UHRF2: variants seen among roughly 807,000 people sequenced by gnomAD.
The protein encoded by UHRF2 is ubiquitin like with PHD and ring finger domains 2.
UHRF2 carries 23 observed loss-of-function variants against 96.8 expected under a neutral mutation model. That is an observed-to-expected ratio of 0.24 (90% CI 0.17 to 0.34). The LOEUF (loss-of-function observed/expected upper bound fraction) is 0.34, where lower values mean the gene tolerates loss of function less well. Among genes scored for constraint, UHRF2 ranks in the 10% least tolerant of loss-of-function variants. The pLI, the probability that UHRF2 is intolerant of heterozygous loss-of-function variation, is 1.00. For synonymous variants in UHRF2, 385 were observed against 332.6 expected (o/e 1.16, Z -1.72); for missense variants, 685 against 981.5 (o/e 0.70, Z 4.04).
At chr9:6,463,930 C>G (rs1340142041) in intron 4 of UHRF2, among the ~76,000 whole-genome samples, 1 of 152,126 alleles carries the variant, frequency 6.6e-6, no homozygotes. Flanking sequence ...ATACCTGTAT[C>G]CTGGCACTTG....
At chr9:6,457,988 C>T (rs139912167) in intron 3 of UHRF2, among the ~76,000 whole-genome samples, 73 of 152,152 alleles carry the variant, frequency 4.8e-4, no homozygotes, top group African/African-American at 1.7e-3. Context: ...TGTGTCTCTG[C>T]CAGGTTTTGG....
At chr9:6,439,775 A>C (rs1821055537) in intron 3 of UHRF2, among the ~76,000 whole-genome samples, 1 of 152,134 alleles carries the variant, frequency 6.6e-6, no homozygotes, top group African/African-American at 2.4e-5. Flanking sequence ...GGGCACATAC[A>C]ACTTGGCTGT....
chr9:6,454,651 A>G (rs766351225), intron 3 of UHRF2, among the ~76,000 whole-genome samples: 1 of 152,162 alleles, frequency 6.6e-6, no homozygotes, highest in Non-Finnish European at 1.5e-5. Context: ...CTGAGCTTAC[A>G]TAGTCCTTGT....
chr9:6,433,304 G>A (rs1903419), intron 2 of UHRF2, among the ~76,000 whole-genome samples: 106,167 of 152,054 alleles, frequency 0.7, 39,616 homozygotes, highest in Non-Finnish European at 0.82. Context: ...TGTGTCTTAC[G>A]CCCTGTTCAT....
intron 1 of UHRF2, among the ~76,000 whole-genome samples, chr9:6,419,191 T>G (rs781335992): frequency 3.3e-5 from 5 of 152,192 alleles, no homozygotes; most frequent in Non-Finnish European, 7.3e-5. Flanking sequence ...GCAACTTAGC[T>G]CGTAACAGTA....
rs1326385345 is a variant in UHRF2 at position 6,506,506 on chromosome 9, A to G, written c.*327A>G. 1 of 179,600 alleles carries G rather than the reference A, an allele frequency of 5.6e-6. No homozygotes were observed. The highest frequency in any genetic ancestry group is 1.2e-5 in the Non-Finnish European group (1 of 86,282). 11.1% of individuals were successfully genotyped at this position (179,600 alleles called of 1,614,324 possible). A position where few individuals can be genotyped will look rare whatever the true frequency, so the allele number is the denominator to read the frequency against. On this transcript the variant is annotated 3_prime_UTR_variant, in exon 16 of 16. Transcript: ENST00000276893. ...ATGGGGATTTTAAAAATCATTGAAT[A>G]ACTAGTTAAATGAAATTTTAGCTAC...
chr9:6,430,554 T>C (rs1308540819), intron 2 of UHRF2, among the ~76,000 whole-genome samples: 1 of 152,200 alleles, frequency 6.6e-6, no homozygotes, highest in Non-Finnish European at 1.5e-5. Context: ...TCAGTGAGCC[T>C]GCCTTTTATA....
intron 4 of UHRF2, among the ~76,000 whole-genome samples, chr9:6,474,213 T>G (rs1409249903): frequency 2.6e-5 from 4 of 152,244 alleles, no homozygotes; most frequent in Non-Finnish European, 5.9e-5. Flanking sequence ...AGCTATGCAT[T>G]TATGCAGTTT....
At chr9:6,462,110 G>A (rs986096640) in intron 4 of UHRF2, among the ~76,000 whole-genome samples, 11 of 152,064 alleles carry the variant, frequency 7.2e-5, no homozygotes, top group African/African-American at 2.4e-4. Flanking sequence ...AATCTAAAGC[G>A]AGGATAGGCA....
At chr9:6,469,862 T>C (rs59303772) in intron 4 of UHRF2, among the ~76,000 whole-genome samples, 2,797 of 151,928 alleles carry the variant, frequency 0.018, 83 homozygotes, top group African/African-American at 0.063. Context: ...TTTGAAAATA[T>C]AGTAGCCCAA....
intron 2 of UHRF2, 111 bp downstream of exon 2, chr9:6,421,253 G>A (rs1819913004): frequency 1.2e-6 from 1 of 812,498 alleles, no homozygotes; most frequent in African/African-American, 1.7e-5. Flanking sequence ...TAAAGATTGG[G>A]ATGTTAATAT....
In UHRF2 at chr9:6,506,341, C is replaced by T; in HGVS notation, c.*162C>T. 1.2e-6 allele frequency: 1 copy of T among 857,180 alleles called. No homozygotes were observed. The highest frequency in any genetic ancestry group is 1.7e-6 in the Non-Finnish European group (1 of 584,142). 53.1% of individuals were successfully genotyped at this position (857,180 alleles called of 1,614,324 possible). On this transcript the variant is annotated 3_prime_UTR_variant, in exon 16 of 16. Transcript: ENST00000276893. ...TCATCTTGTGTGTGTAGTAAGAGGC[C>T]CATTTCTCAACTGTCTTTTAAATAT...
intron 3 of UHRF2, among the ~76,000 whole-genome samples, chr9:6,439,581 A>G (rs1821039737): frequency 6.6e-6 from 1 of 152,216 alleles, no homozygotes; most frequent in South Asian, 2.1e-4. Flanking sequence ...AAGTAGATAG[A>G]TATTTATAAG....
Position 6,506,887 on chromosome 9 carries a change from C to G in UHRF2, c.*708C>G, listed in dbSNP as rs1268695083. 5 of 152,650 alleles carry G rather than the reference C, an allele frequency of 3.3e-5. No homozygotes were observed. Among genetic ancestry groups the G allele is most frequent in the African/African-American group, 4.8e-5 (2 of 41,460 alleles). The allele number at this position is 152,650 out of a possible 1,614,324, so 9.5% of individuals were successfully genotyped here. On this transcript the variant is annotated 3_prime_UTR_variant, in exon 16 of 16. Coordinates refer to ENST00000276893, the MANE Select transcript of UHRF2 (RefSeq NM_152896.3). ...ATGTTCATGAAAATCCACTTCTCTACTAGTCGAACTGCTTTTAGTGTCTCA... is the reference window on the plus strand; with the variant it reads ...ATGTTCATGAAAATCCACTTCTCTAGTAGTCGAACTGCTTTTAGTGTCTCA...
intron 4 of UHRF2, among the ~76,000 whole-genome samples, chr9:6,472,409 G>A (rs1823298727): frequency 6.6e-6 from 1 of 152,220 alleles, no homozygotes; most frequent in Non-Finnish European, 1.5e-5. Context: ...AAAAGCATTA[G>A]TCAAGTAAAG....
At chr9:6,475,281 A>G (rs1486659532) in intron 4 of UHRF2, 110 bp from the exon 5 acceptor site, 1 of 575,380 alleles carries the variant, frequency 1.7e-6, no homozygotes, top group Non-Finnish European at 2.9e-6. Context: ...TCTAATCTCA[A>G]TTTATAAATA....
At chr9:6,432,845 T>G (rs1192979654) in intron 2 of UHRF2, among the ~76,000 whole-genome samples, 1 of 152,108 alleles carries the variant, frequency 6.6e-6, no homozygotes, top group African/African-American at 2.4e-5. Context: ...GGCCATTTTT[T>G]TTTTTTTCTT....
intron 2 of UHRF2, among the ~76,000 whole-genome samples, chr9:6,431,580 T>A (rs1820564896): frequency 6.7e-6 from 1 of 148,574 alleles, no homozygotes; most frequent in South Asian, 2.1e-4. Flanking sequence ...TAGCCTGTCT[T>A]AAAAAAAAAA....
intron 2 of UHRF2, among the ~76,000 whole-genome samples, chr9:6,425,889 GTATA>G (rs1302503761): frequency 1.3e-5 from 2 of 152,088 alleles, no homozygotes; most frequent in Admixed American, 1.3e-4. Flanking sequence ...ACTAACCTGT[GTATA>G]TATACATCTA....
Sources: allele counts gnomAD v4.1 joint callset (sites outside exome capture counted in the v4.1 genomes callset), GRCh38; gene constraint gnomAD v4.1.1; transcripts MANE v1.5; gene names NCBI Gene and HGNC (gene_info 2026-07-23, HGNC 2026-07-21).